The following PDZD2 variants were observed in gnomAD, a reference collection of about 807,000 sequenced individuals.
PDZD2 encodes PDZ domain containing 2, also known as PDZ domain-containing protein 2.
PDZD2 carries 90 observed loss-of-function variants against 220.7 expected under a neutral mutation model. The observed-to-expected ratio is 0.41, with a 90% confidence interval of 0.34 to 0.49. The LOEUF (loss-of-function observed/expected upper bound fraction) is 0.49, where lower values mean the gene tolerates loss of function less well. PDZD2 is among the 20% of genes least tolerant of loss of function. The probability of loss-of-function intolerance (pLI) is 0.28; values close to 1 mark genes in which losing one functional copy is unlikely to be tolerated. For synonymous variants in PDZD2, 1,375 were observed against 1,450.5 expected, an observed-to-expected ratio of 0.95 and a Z score of 1.18; for missense variants, 3,174 against 3,608.5, an observed-to-expected ratio of 0.88 and a Z score of 3.08.
In PDZD2 at chr5:31,983,640, G is replaced by C. The variant is rs139139191; in HGVS notation, c.962G>C (p.Ser321Thr). ...SKGGKTDFQS[S>T]DCLAREEVGR... ...GGTGGGAAGACGGACTTCCAATCGA[G>C]TGACTGCCTGGCACGGGTAAGGTTT... Residue 321 changes from serine (S) to threonine (T), a missense_variant, in exon 3 of 25, where the codon AGT becomes ACT. Ser to Thr is a moderately conservative substitution (Grantham distance 58). Transcript: ENST00000438447. The C allele has an allele frequency of 6.2e-7, 1 of 1,613,428 alleles. No homozygotes were observed. The highest frequency in any genetic ancestry group is 1.3e-5 in the African/African-American group (1 of 74,924).
chr5:32,037,654 A>C lies in PDZD2; in HGVS notation c.1519+312A>C, dbSNP rs139654116. ...CACATGATCCTTTCAATGTGGAGTT[A>C]ATATCAAATCTGCATTTCAATAAGC... On this transcript the variant is annotated intron_variant, in intron 7 of 24. Transcript: ENST00000438447. Among the ~76,000 whole-genome samples, 278 of 152,258 alleles carry C rather than the reference A, an allele frequency of 1.8e-3. 1 individual carries two copies. The highest frequency in any genetic ancestry group is 6.2e-3 in the African/African-American group (257 of 41,548).
intron 2 of PDZD2, among the ~76,000 whole-genome samples, chr5:31,944,241 G>A (rs1746448617): frequency 6.6e-6 from 1 of 152,108 alleles, no homozygotes; most frequent in Non-Finnish European, 1.5e-5. Flanking sequence ...AATGAGAGAA[G>A]GAAGAAAAGG....
intron 1 of PDZD2, among the ~76,000 whole-genome samples, chr5:31,643,284 T>C (rs1745016186): frequency 6.6e-6 from 1 of 152,218 alleles, no homozygotes; most frequent in African/African-American, 2.4e-5. Context: ...ATGAAAAGTT[T>C]TGGACTACTC....
chr5:31,951,306 G>A (rs747044299), intron 2 of PDZD2, among the ~76,000 whole-genome samples: 1 of 152,132 alleles, frequency 6.6e-6, no homozygotes, highest in Non-Finnish European at 1.5e-5. Context: ...GGGTTCCAGT[G>A]ATCCTCCTGC....
intron 2 of PDZD2, among the ~76,000 whole-genome samples, chr5:31,859,328 G>A (rs1737467049): frequency 6.6e-6 from 1 of 152,056 alleles, no homozygotes; most frequent in Non-Finnish European, 1.5e-5. Context: ...TGGGCAGCAG[G>A]CAAAATGAAC....
At chr5:31,868,403 C>T (rs558377209) in intron 2 of PDZD2, among the ~76,000 whole-genome samples, 1 of 152,276 alleles carries the variant, frequency 6.6e-6, no homozygotes, top group South Asian at 2.1e-4. Context: ...CAAGATCGCG[C>T]CACCTGCACT....
At chr5:32,059,151 T>C in intron 12 of PDZD2, 88 bp from the exon 13 acceptor site, 1 of 709,592 alleles carries the variant, frequency 1.4e-6, no homozygotes, top group South Asian at 1.7e-5. Flanking sequence ...TCTGAATAGA[T>C]ATTAATTCTG....
chr5:31,781,787 G>A (rs376295359), intron 1 of PDZD2, among the ~76,000 whole-genome samples: 1 of 152,162 alleles, frequency 6.6e-6, no homozygotes, highest in Non-Finnish European at 1.5e-5. Flanking sequence ...TGTATAATGT[G>A]AGACAGACGT....
rs1241231576 is a variant in PDZD2 at position 31,817,986 on chromosome 5, T to C, written c.476+18262T>C. Reference sequence around the variant, plus strand: ...GCCAATTTTTTTTTTTTTTTTTTTTTTTAGACAAGGTCTGTGTCTGTCACT... The same window carrying C: ...GCCAATTTTTTTTTTTTTTTTTTTTCTTAGACAAGGTCTGTGTCTGTCACT... On this transcript the variant is annotated intron_variant, in intron 2 of 24. Coordinates refer to ENST00000438447, the MANE Select transcript of PDZD2 (RefSeq NM_178140.4). Among the ~76,000 whole-genome samples, 4 of 149,664 alleles carry C rather than the reference T, an allele frequency of 2.7e-5. No individual in the cohort carries two copies. The East Asian group carries it at 7.8e-4, about 29-fold the overall frequency.
At chr5:31,846,202 C>T (rs928013001) in intron 2 of PDZD2, among the ~76,000 whole-genome samples, 4 of 152,170 alleles carry the variant, frequency 2.6e-5, no homozygotes, top group Non-Finnish European at 5.9e-5. Flanking sequence ...GGCGCAATCT[C>T]GCCTCACTGC....
In PDZD2 at chr5:32,090,962, C is replaced by G; in HGVS notation, c.7514C>G (p.Pro2505Arg). 6.2e-7 allele frequency: 1 copy of G among 1,613,848 alleles called. No homozygotes were observed. The highest frequency in any genetic ancestry group is 1.3e-5 in the African/African-American group (1 of 75,040). ...KLCSEDYSAG[P>R]SAVLFKTELE... ...TGCAGCGAGGATTACTCAGCAGGGCCGAGCGCCGTGCTCTTCAAAACTGAG... is the reference window on the plus strand; with the variant it reads ...TGCAGCGAGGATTACTCAGCAGGGCGGAGCGCCGTGCTCTTCAAAACTGAG... The change falls in exon 20 of 25, where the codon CCG becomes CGG. Residue 2505 changes from proline (P) to arginine (R), a missense_variant. Around this residue, in one of 4 missense-constraint regions of PDZD2, gnomAD observed 631 missense variants for 789.9 expected, o/e 0.80. Transcript: ENST00000438447. This position sits in a 1 kb window ranked among gnomAD's most constrained non-coding sequence, Gnocchi z 4.3.
intron 1 of PDZD2, among the ~76,000 whole-genome samples, chr5:31,741,347 GT>G (rs1750255413): frequency 6.7e-6 from 1 of 148,918 alleles, no homozygotes; most frequent in Non-Finnish European, 1.5e-5. Flanking sequence ...AATTGATTCA[GT>G]TTAAAGCCAA....
At chr5:31,779,373 CT>C (rs58290929) in intron 1 of PDZD2, among the ~76,000 whole-genome samples, 3,348 of 106,588 alleles carry the variant, frequency 0.031, 43 homozygotes, top group African/African-American at 0.096. Context: ...TTGTGAATCT[CT>C]TTTTTTTTTT....
At chr5:31,947,680 G>A (rs1746766265) in intron 2 of PDZD2, among the ~76,000 whole-genome samples, 4 of 152,306 alleles carry the variant, frequency 2.6e-5, no homozygotes, top group South Asian at 4.1e-4. Flanking sequence ...AGCTGGGCGT[G>A]GTGGCACAAG....
chr5:31,759,010 C>T (rs498791), intron 1 of PDZD2, among the ~76,000 whole-genome samples: 80,178 of 151,670 alleles, frequency 0.53, 21,879 homozygotes, highest in East Asian at 0.84. Flanking sequence ...CCAACAGGTC[C>T]TCACACTGGA....
intron 4 of PDZD2, among the ~76,000 whole-genome samples, chr5:31,998,705 T>C (rs1313835520): frequency 1.3e-5 from 2 of 152,192 alleles, no homozygotes; most frequent in African/African-American, 4.8e-5. Context: ...ACACATAAAC[T>C]ACATTAACAC....
intron 2 of PDZD2, among the ~76,000 whole-genome samples, chr5:31,951,211 G>A (rs1031808651): frequency 1.3e-5 from 2 of 152,106 alleles, no homozygotes; most frequent in Non-Finnish European, 2.9e-5. Context: ...GGGATTACAC[G>A]TGTACAGCAC....
chr5:31,912,339 C>T (rs1359100898), intron 2 of PDZD2, among the ~76,000 whole-genome samples: 2 of 151,760 alleles, frequency 1.3e-5, no homozygotes, highest in Non-Finnish European at 2.9e-5. Flanking sequence ...CACTCATGAG[C>T]GCTCCTCTTT....
intron 1 of PDZD2, among the ~76,000 whole-genome samples, chr5:31,663,471 AT>A (rs1014972544): frequency 5.3e-5 from 8 of 152,168 alleles, no homozygotes; most frequent in African/African-American, 1.4e-4. Flanking sequence ...TTACCTTGGC[AT>A]TTTTTTAAGA....
Sources: allele counts gnomAD v4.1 joint callset (sites outside exome capture counted in the v4.1 genomes callset), GRCh38; gene constraint gnomAD v4.1.1; regional missense constraint gnomAD v4.1.1; non-coding constraint Gnocchi (gnomAD v3.1); transcripts MANE v1.5; gene names NCBI Gene and HGNC (gene_info 2026-07-23, HGNC 2026-07-21).